DNAH2: variants seen among roughly 807,000 people sequenced by gnomAD.
The protein encoded by DNAH2 is axonemal beta dynein heavy chain 2.
Under a neutral mutation model 523.5 loss-of-function variants are expected in DNAH2, and 323 were observed. That is an observed-to-expected ratio of 0.62 (90% CI 0.56 to 0.68). The LOEUF is 0.68. DNAH2 is among the 30% of genes least tolerant of loss of function. DNAH2 has a pLI of 0.00. For missense variants in DNAH2, 4,907 were observed against 5,701.5 expected (o/e 0.86, Z 4.49); for synonymous variants, 2,093 against 2,177.4 (o/e 0.96, Z 1.08).
At chr17:7,788,973 T>A (rs914382814) in intron 44 of DNAH2, among the ~76,000 whole-genome samples, 1 of 152,152 alleles carries the variant, frequency 6.6e-6, no homozygotes, top group Non-Finnish European at 1.5e-5. Flanking sequence ...GAGACCAGCC[T>A]GGCCAACATG....
chr17:7,817,986 G>C lies in DNAH2; in HGVS notation c.10277G>C (p.Arg3426Pro), dbSNP rs201968584. ...IIDLQMSDYL[R>P]ILEHAIHFGY... ...GACCTGCAGATGAGCGATTACCTGC[G>C]AATCCTAGAACACGCCATTCACTTT... Residue 3426 changes from arginine to proline, a missense_variant, in exon 68 of 86, where the codon CGA becomes CCA. Arg to Pro is a moderately radical substitution (Grantham distance 103). This residue lies in a region of DNAH2 where 1,851 missense variants were observed against 2,139.4 expected (regional missense o/e 0.87). Transcript: ENST00000572933. The C allele has an allele frequency of 6.2e-7, 1 of 1,614,034 alleles. No individual in the cohort carries two copies. Among genetic ancestry groups the C allele is most frequent in the Non-Finnish European group, 8.5e-7 (1 of 1,180,022 alleles).
Position 7,794,384 on chromosome 17 carries a change from A to T in DNAH2, c.7674+26A>T, listed in dbSNP as rs374865277. On this transcript the variant is annotated intron_variant, in intron 49 of 85. Coordinates refer to ENST00000572933, the MANE Select transcript of DNAH2 (RefSeq NM_020877.5). ...GTGAGGACCTCATGGGGGCTGCAGG[A>T]CGAGGGGAGGGTAGGAGGTGAAACG... is the stretch of plus-strand genomic sequence containing the variant. 140 of 1,581,738 alleles carry T rather than the reference A, an allele frequency of 8.9e-5. No homozygotes were observed. The Middle Eastern group carries it at 1.5e-3, about 17-fold the overall frequency.
chr17:7,820,741 A>G (rs1363256913), intron 72 of DNAH2, among the ~76,000 whole-genome samples: 1 of 152,120 alleles, frequency 6.6e-6, no homozygotes, highest in African/African-American at 2.4e-5. Context: ...GAACTGAATG[A>G]CTAATTATGA....
chr17:7,775,124 T>C (rs1040981910), intron 29 of DNAH2, 117 bp from the exon 30 acceptor site: 8 of 1,254,812 alleles, frequency 6.4e-6, no homozygotes, highest in African/African-American at 3.0e-5. Context: ...CTTCTTAGAA[T>C]TGGTAATATT....
chr17:7,748,968 T>C (rs1197431641), intron 12 of DNAH2, among the ~76,000 whole-genome samples: 2 of 151,950 alleles, frequency 1.3e-5, no homozygotes, highest in African/African-American at 4.8e-5. Flanking sequence ...ATTCATCCTG[T>C]TGACTGACAT....
At position 7,832,884 on chromosome 17, in the gene DNAH2, A is replaced by G. The variant is rs1240609221; in HGVS notation, c.12934A>G (p.Ile4312Val). ...VSVDSLSWEF[I>V]VSTVDDSNLV... ...AGTGGACAGCCTCTCCTGGGAGTTTATCGTTTCCACTGTGGATGACAGCAA... is the reference window on the plus strand; with the variant it reads ...AGTGGACAGCCTCTCCTGGGAGTTTGTCGTTTCCACTGTGGATGACAGCAA... The change falls in exon 84 of 86, where the codon ATC becomes GTC. Residue 4312 changes from isoleucine (I) to valine (V), a missense_variant. Around this residue, in one of 3 missense-constraint regions of DNAH2, gnomAD observed 1,851 missense variants for 2,139.4 expected, o/e 0.87. Transcript: ENST00000572933. This position sits in a 1 kb window ranked among gnomAD's most constrained non-coding sequence, Gnocchi z 4.3. 6.2e-7 allele frequency: 1 copy of G among 1,614,124 alleles called. No individual in the cohort carries two copies. Among genetic ancestry groups the G allele is most frequent in the African/African-American group, 1.3e-5 (1 of 74,940 alleles).
chr17:7,819,011 A>G lies in DNAH2; in HGVS notation c.10763A>G (p.Glu3588Gly), dbSNP rs1034440439. 1.9e-6 allele frequency: 3 copies of G among 1,610,182 alleles called. No homozygotes were observed. Among genetic ancestry groups the G allele is most frequent in the East Asian group, 4.5e-5 (2 of 44,856 alleles). ...AAGATCACAGCCACAGAGGTGACTG[A>G]GCAGCTGGAGACCAGTGAGACCACA... Reference protein sequence around the residue: ...TSKITATEVTEQLETSETTEI... With the variant: ...TSKITATEVTGQLETSETTEI... Residue 3588 changes from glutamate to glycine, a missense_variant, in exon 71 of 86, where the codon GAG becomes GGG. Glu to Gly is a moderately conservative substitution (Grantham distance 98, BLOSUM62 -2). Coordinates refer to ENST00000572933, the MANE Select transcript of DNAH2 (RefSeq NM_020877.5).
rs578100037 is a variant in DNAH2, at chr17:7,754,096, G to A, written c.1905-2995G>A. On this transcript the variant is annotated intron_variant, in intron 12 of 85. Coordinates refer to ENST00000572933, the MANE Select transcript of DNAH2 (RefSeq NM_020877.5). The surrounding 1 kb of genome is among the most constrained non-coding windows in gnomAD (Gnocchi z 4.6). ...GGAGCCAGGTCTCAGGGATGAGGAG[G>A]GAATGGGAAGAAAAGAGTGACGGGG... Among the ~76,000 whole-genome samples, 1 of 152,182 alleles carries A rather than the reference G, an allele frequency of 6.6e-6. No homozygotes were observed. The highest frequency in any genetic ancestry group is 2.1e-4 in the South Asian group (1 of 4,818).
At chr17:7,719,130 T>G (rs1161867548) in intron 1 of DNAH2, among the ~76,000 whole-genome samples, 1 of 17,622 alleles carries the variant, frequency 5.7e-5, no homozygotes, top group South Asian at 1.7e-3. Context: ...TGGCCATCTT[T>G]TTTTTTTTTT....
In DNAH2 at chr17:7,832,847, C is replaced by T; in HGVS notation, c.12904-7C>T. 6.2e-7 allele frequency: 1 copy of T among 1,614,208 alleles called. No individual in the cohort carries two copies. Among genetic ancestry groups the T allele is most frequent in the South Asian group, 1.1e-5 (1 of 91,086 alleles). ...GGTCCTCTCTTATTCTCACCTTCAA[C>T]CCCCAGGTTTCAGTGGACAGCCTCT... On this transcript the variant is annotated splice_polypyrimidine_tract_variant and splice_region_variant and intron_variant, in intron 83 of 85. Coordinates refer to ENST00000572933, the MANE Select transcript of DNAH2 (RefSeq NM_020877.5). The surrounding 1 kb of genome is among the most constrained non-coding windows in gnomAD (Gnocchi z 4.3).
chr17:7,748,300 C>T (rs1377872091), intron 12 of DNAH2, among the ~76,000 whole-genome samples: 1 of 152,192 alleles, frequency 6.6e-6, no homozygotes, highest in Non-Finnish European at 1.5e-5. Flanking sequence ...AGACGAGATA[C>T]TGAGGTCTGT....
chr17:7,721,365 G>T (rs977575983), intron 2 of DNAH2, among the ~76,000 whole-genome samples: 1 of 151,982 alleles, frequency 6.6e-6, no homozygotes, highest in Admixed American at 6.6e-5. Context: ...GTAGAGATGG[G>T]GTTTCACCAT....
chr17:7,788,020 G>A, intron 43 of DNAH2, 23 bp downstream of exon 43: 2 of 1,613,570 alleles, frequency 1.2e-6, no homozygotes, highest in Non-Finnish European at 1.7e-6. Context: ...CTGAGGAGAG[G>A]GAAAGTAACC....
intron 27 of DNAH2, 46 bp downstream of exon 27, chr17:7,770,979 C>T (rs2076299196): frequency 6.3e-7 from 1 of 1,589,562 alleles, no homozygotes; most frequent in Non-Finnish European, 8.6e-7. Context: ...GCTCTTACTC[C>T]TTCTTTTTCT....
At position 7,807,078 on chromosome 17, in the gene DNAH2, T is replaced by C; in HGVS notation, c.9443-72T>C. On this transcript the variant is annotated intron_variant, in intron 61 of 85. Transcript: ENST00000572933. This position sits in a 1 kb window ranked among gnomAD's most constrained non-coding sequence, Gnocchi z 5.6. ...GAAAAATGTGGCTATGCGTGAGTAG[T>C]GGAGGTGAAACTGCTGGACAAGGAG... The C allele has an allele frequency of 1.3e-6, 2 of 1,542,730 alleles. No individual in the cohort carries two copies. The highest frequency in any genetic ancestry group is 2.4e-5 in the South Asian group (2 of 83,166).
At position 7,824,734 on chromosome 17, in the gene DNAH2, G is replaced by A. The variant is rs763375127; in HGVS notation, c.11853+7G>A. 6.6e-7 allele frequency: 1 copy of A among 1,523,534 alleles called. No homozygotes were observed. Among genetic ancestry groups the A allele is most frequent in the South Asian group, 1.2e-5 (1 of 81,062 alleles). 94.4% of individuals were successfully genotyped at this position (1,523,534 alleles called of 1,614,324 possible). On this transcript the variant is annotated splice_region_variant and intron_variant, in intron 77 of 85. Coordinates refer to ENST00000572933, the MANE Select transcript of DNAH2 (RefSeq NM_020877.5). ...GACCACAGAGCCACCAAAGGTATGTGGCCATAGAGAACCAGCATCATCAGG... is the reference window on the plus strand; with the variant it reads ...GACCACAGAGCCACCAAAGGTATGTAGCCATAGAGAACCAGCATCATCAGG...
At chr17:7,819,126 C>T (rs369140800) in intron 71 of DNAH2, 63 bp downstream of exon 71, 10 of 1,602,174 alleles carry the variant, frequency 6.2e-6, no homozygotes, top group African/African-American at 2.7e-5. Flanking sequence ...TCCATCATGA[C>T]GGCTCGAGAC....
At chr17:7,722,414 G>A (rs1015416703) in intron 2 of DNAH2, among the ~76,000 whole-genome samples, 1 of 152,078 alleles carries the variant, frequency 6.6e-6, no homozygotes, top group African/African-American at 2.4e-5. Flanking sequence ...GCTGTGCAAC[G>A]TTCCCACTAT....
chr17:7,761,648 CT>C (rs1655578496), intron 18 of DNAH2, among the ~76,000 whole-genome samples: 1 of 152,046 alleles, frequency 6.6e-6, no homozygotes, highest in Admixed American at 6.6e-5. Flanking sequence ...CCACGCCTGG[CT>C]AATTTTTGTA....
Sources: allele counts gnomAD v4.1 joint callset (sites outside exome capture counted in the v4.1 genomes callset), GRCh38; gene constraint gnomAD v4.1.1; regional missense constraint gnomAD v4.1.1; non-coding constraint Gnocchi (gnomAD v3.1); transcripts MANE v1.5; gene names NCBI Gene and HGNC (gene_info 2026-07-23, HGNC 2026-07-21).